KALRN: variants seen among roughly 807,000 people sequenced by gnomAD.
KALRN encodes kalirin.
A neutral mutation model predicts 353.7 loss-of-function variants in KALRN; 70 were observed. That is an observed-to-expected ratio of 0.20 (90% CI 0.16 to 0.24). KALRN has a LOEUF of 0.24. Ranked by LOEUF, KALRN falls within the 10% of genes least tolerant of loss-of-function variation. The probability of loss-of-function intolerance (pLI) is 1.00; values close to 1 mark genes in which losing one functional copy is unlikely to be tolerated. For synonymous variants in KALRN, 1,391 were observed against 1,434.8 expected (o/e 0.97, Z 0.69); for missense variants, 2,791 against 3,756.7 (o/e 0.74, Z 6.72).
chr3:124,355,203 G>A (rs1338505343), intron 10 of KALRN, among the ~76,000 whole-genome samples: 6 of 152,204 alleles, frequency 3.9e-5, no homozygotes, highest in Admixed American at 3.3e-4. Flanking sequence ...ACCTGTAGAT[G>A]CAAGGATATA....
intron 5 of KALRN, among the ~76,000 whole-genome samples, chr3:124,276,981 GCA>G (rs146590831): frequency 0.01 from 1,542 of 152,252 alleles, 23 homozygotes; most frequent in African/African-American, 0.034. Context: ...GTGCACACGT[GCA>G]CACACACACT....
intron 45 of KALRN, among the ~76,000 whole-genome samples, chr3:124,665,834 C>T (rs1338373111): frequency 1.3e-5 from 2 of 152,210 alleles, no homozygotes; most frequent in African/African-American, 4.8e-5. Flanking sequence ...GGAGACCTAT[C>T]TATAGTACCC....
At chr3:124,150,019 C>T (rs1277314831) in intron 1 of KALRN, among the ~76,000 whole-genome samples, 3 of 152,196 alleles carry the variant, frequency 2.0e-5, no homozygotes, top group African/African-American at 7.2e-5. Flanking sequence ...AGCTGTTAGA[C>T]CTGAACTACA....
At chr3:124,264,443 A>G (rs2073268756) in intron 3 of KALRN, 55 bp from the exon 4 acceptor site, 1 of 1,516,890 alleles carries the variant, frequency 6.6e-7, no homozygotes, top group Non-Finnish European at 9.0e-7. Context: ...TTGACTGTGT[A>G]CTCCAAAGTC....
chr3:124,352,806 T>C (rs146825846), intron 10 of KALRN, among the ~76,000 whole-genome samples: 7 of 152,056 alleles, frequency 4.6e-5, no homozygotes, highest in Admixed American at 3.3e-4. Context: ...TAAGTGGGAA[T>C]TGAACAATGA....
chr3:124,429,718 G>A (rs983617498), intron 15 of KALRN, among the ~76,000 whole-genome samples: 22 of 152,140 alleles, frequency 1.4e-4, no homozygotes, highest in African/African-American at 4.8e-4. Context: ...ATATTCCCTC[G>A]TTGAGTTTTC....
intron 23 of KALRN, among the ~76,000 whole-genome samples, chr3:124,461,047 G>T (rs558923456): frequency 6.6e-6 from 1 of 152,092 alleles, no homozygotes; most frequent in African/African-American, 2.4e-5. Flanking sequence ...TAGCTGAGAG[G>T]ATAATCTAGG....
intron 1 of KALRN, chr3:124,164,209 A>G (rs2070453024): frequency 6.5e-6 from 1 of 154,564 alleles, no homozygotes; most frequent in Non-Finnish European, 1.4e-5. Context: ...ATAGTTGACC[A>G]TTGTTGCTGT....
intron 18 of KALRN, among the ~76,000 whole-genome samples, chr3:124,441,642 T>G (rs747206048): frequency 3.9e-5 from 6 of 151,934 alleles, no homozygotes; most frequent in Non-Finnish European, 7.4e-5. Flanking sequence ...CTGGGCAACA[T>G]AGTGAGACCT....
rs2063374670 is a variant in KALRN at position 124,722,721 on chromosome 3, G to T, written c.*3251G>T. The stretch of plus-strand genomic sequence containing the variant: ...GAGAGATTTATTACTTGGTAGTAAA[G>T]AAGAGAGGAGAGAAGAGAAAATGGT... On this transcript the variant is annotated 3_prime_UTR_variant, in exon 60 of 60. Transcript: ENST00000682506. 6.6e-6 allele frequency: 1 copy of T among 152,210 alleles called. No individual in the cohort carries two copies. Among genetic ancestry groups the T allele is most frequent in the African/African-American group, 2.4e-5 (1 of 41,460 alleles). The allele number at this position is 152,210 out of a possible 1,614,324, so 9.4% of individuals were successfully genotyped here. A position where few individuals can be genotyped will look rare whatever the true frequency, so the allele number is the denominator to read the frequency against.
intron 34 of KALRN, among the ~76,000 whole-genome samples, chr3:124,581,656 T>A (rs1013389463): frequency 6.6e-6 from 1 of 152,126 alleles, no homozygotes; most frequent in Non-Finnish European, 1.5e-5. Context: ...CCCATGAAAT[T>A]TTGAAGCATC....
At chr3:124,175,907 TA>T (rs947649924) in intron 1 of KALRN, among the ~76,000 whole-genome samples, 10 of 152,226 alleles carry the variant, frequency 6.6e-5, no homozygotes, top group Non-Finnish European at 1.3e-4. Flanking sequence ...TGTCTAAAAT[TA>T]AACTCAGCCT....
intron 56 of KALRN, among the ~76,000 whole-genome samples, chr3:124,700,986 T>A (rs1411071004): frequency 6.6e-6 from 1 of 152,200 alleles, no homozygotes; most frequent in African/African-American, 2.4e-5. Context: ...GAATTCAAGA[T>A]GGATAAGCCG....
chr3:124,238,235 G>GAA (rs3054175), intron 3 of KALRN, among the ~76,000 whole-genome samples: 13,656 of 150,578 alleles, frequency 0.091, 1,491 homozygotes, highest in East Asian at 0.47. Flanking sequence ...TGAAGATGAA[G>GAA]AAAAAAAAAC....
chr3:124,247,872 T>C (rs978194606), intron 3 of KALRN, among the ~76,000 whole-genome samples: 5 of 151,418 alleles, frequency 3.3e-5, no homozygotes, highest in Admixed American at 2.0e-4. Context: ...TTTGCCTCTG[T>C]CACTTGTATT....
At chr3:124,708,136 A>G (rs988983092) in intron 57 of KALRN, among the ~76,000 whole-genome samples, 3 of 152,274 alleles carry the variant, frequency 2.0e-5, no homozygotes, top group African/African-American at 7.2e-5. Context: ...ATTGCTGACC[A>G]AAACATACAA....
chr3:124,120,043 G>T (rs772324595), intron 1 of KALRN, among the ~76,000 whole-genome samples: 10 of 152,148 alleles, frequency 6.6e-5, no homozygotes, highest in Admixed American at 6.5e-5. Context: ...ACAGAGGTCA[G>T]CCCCAGTTCA....
rs577654741 is a variant in KALRN, at chr3:124,152,093, G to A, written c.74-75897G>A. ...TTTAAAGGGCCACAGGAAGTTATTTGCTTCTTTGAAGCGTTTTCCAACATT... is the reference window on the plus strand; with the variant it reads ...TTTAAAGGGCCACAGGAAGTTATTTACTTCTTTGAAGCGTTTTCCAACATT... On this transcript the variant is annotated intron_variant, in intron 1 of 59. Coordinates refer to ENST00000682506, the MANE Select transcript of KALRN (RefSeq NM_001388419.1). 12 of 1,274,174 alleles carry A rather than the reference G, an allele frequency of 9.4e-6. No homozygotes were observed. The South Asian group carries it at 1.4e-4, about 15-fold the overall frequency. 78.9% of individuals were successfully genotyped at this position (1,274,174 alleles called of 1,614,324 possible). A position where few individuals can be genotyped will look rare whatever the true frequency, so the allele number is the denominator to read the frequency against.
intron 3 of KALRN, among the ~76,000 whole-genome samples, chr3:124,243,452 A>AT (rs1203580568): frequency 6.6e-6 from 1 of 152,246 alleles, no homozygotes; most frequent in Non-Finnish European, 1.5e-5. Flanking sequence ...AGCCCTGGTT[A>AT]TTCCAGGAAC....
Sources: gnomAD v4.1 joint callset for allele counts (sites outside exome capture counted in the v4.1 genomes callset) on GRCh38, gnomAD v4.1.1 for gene constraint, MANE v1.5 for transcripts, NCBI Gene and HGNC (gene_info 2026-07-23, HGNC 2026-07-21) for gene names.